OR51B5: variants seen among roughly 807,000 people sequenced by gnomAD.
The protein encoded by OR51B5 is olfactory receptor family 51 subfamily B member 5.
For synonymous variants in OR51B5, 186 were observed against 144.8 expected, an observed-to-expected ratio of 1.28 and a Z score of -2.04; for missense variants, 456 against 374.6, an observed-to-expected ratio of 1.22 and a Z score of -1.79.
In OR51B5 at chr11:5,478,811, A is replaced by G. The variant is rs1253902204; in HGVS notation, n.84+26758T>C. On this transcript the variant is annotated intron_variant and non_coding_transcript_variant, in intron 1 of 4. Coordinates refer to the OR51B5 transcript ENST00000415970. The stretch of plus-strand genomic sequence containing the variant: ...TGAAGCGTGAAGGGAAGTTTAGAGA[A>G]AAAAGAATAAAAAGAAATGAGCAAA... 8.6e-5 allele frequency among the ~76,000 whole-genome samples: 13 copies of G among 150,616 alleles called. No homozygotes were observed. The South Asian group carries it at 2.7e-3, about 32-fold the overall frequency.
At chr11:5,505,005 C>G (rs1380110767) in intron 1 of OR51B5, among the ~76,000 whole-genome samples, 2 of 152,246 alleles carry the variant, frequency 1.3e-5, no homozygotes, top group East Asian at 3.8e-4. Context: ...ACCCAATTCA[C>G]CTGGTGTCTT....
chr11:5,430,594 AG>A (rs1387576559), intron 1 of OR51B5: 2 of 401,368 alleles, frequency 5.0e-6, no homozygotes, highest in Non-Finnish European at 1.0e-5. Flanking sequence ...CTTTGCCCAT[AG>A]CAGAAACATT....
At chr11:5,349,400 T>G (rs1849040069) in intron 1 of OR51B5, among the ~76,000 whole-genome samples, 1 of 128,406 alleles carries the variant, frequency 7.8e-6, no homozygotes, top group Non-Finnish European at 1.8e-5. Context: ...GTATTCCTAC[T>G]CCTGTTTTTT....
At chr11:5,454,134 C>G (rs752763809) in intron 1 of OR51B5, 1 of 1,614,034 alleles carries the variant, frequency 6.2e-7, no homozygotes, top group Non-Finnish European at 8.5e-7. Flanking sequence ...TTTTATCTTC[C>G]TCTCCTATGT....
downstream of OR51B5, among the ~76,000 whole-genome samples, chr11:5,342,093 A>G (rs565214736): frequency 5.9e-5 from 9 of 152,168 alleles, no homozygotes; most frequent in Non-Finnish European, 1.0e-4. Flanking sequence ...TCTTTTTTGC[A>G]GGAAAATTCC....
At chr11:5,352,809 T>C (rs1332880146) in intron 1 of OR51B5, among the ~76,000 whole-genome samples, 1 of 145,358 alleles carries the variant, frequency 6.9e-6, no homozygotes, top group East Asian at 2.0e-4. Context: ...ATTATATATA[T>C]TTAATATATA....
intron 1 of OR51B5, among the ~76,000 whole-genome samples, chr11:5,479,147 A>T (rs1214832760): frequency 4.7e-5 from 7 of 149,066 alleles, no homozygotes; most frequent in Non-Finnish European, 4.5e-5. Context: ...AGCCCATCAG[A>T]CTAACAGCGG....
chr11:5,430,824 C>T (rs1394864349), intron 1 of OR51B5: 1 of 457,296 alleles, frequency 2.2e-6, no homozygotes, highest in Non-Finnish European at 4.4e-6. Context: ...GCATCACAGA[C>T]ACCCCAATCA....
intron 1 of OR51B5, among the ~76,000 whole-genome samples, chr11:5,379,921 CCT>C (rs2133716910): frequency 6.6e-6 from 1 of 151,806 alleles, no homozygotes; most frequent in East Asian, 1.9e-4. Context: ...CAGCATGAGA[CCT>C]TTATCAGATG....
chr11:5,352,156 A>G (rs1192290898), intron 1 of OR51B5: 2 of 1,614,042 alleles, frequency 1.2e-6, no homozygotes, highest in South Asian at 2.2e-5. Flanking sequence ...TTTCTCCTAC[A>G]TTTTGATTCT....
intron 1 of OR51B5, among the ~76,000 whole-genome samples, chr11:5,374,452 C>A (rs971358794): frequency 6.6e-6 from 1 of 152,172 alleles, no homozygotes; most frequent in Non-Finnish European, 1.5e-5. Context: ...AAAGCAGTTC[C>A]TCACCAGCAA....
At chr11:5,351,440 C>A (rs1849084047) in intron 1 of OR51B5, 5 of 1,278,138 alleles carry the variant, frequency 3.9e-6, no homozygotes. Context: ...TCTCAAGGAG[C>A]AACTTTTATA....
At chr11:5,369,999 TCAA>T (rs1344350635) in intron 1 of OR51B5, among the ~76,000 whole-genome samples, 1 of 152,020 alleles carries the variant, frequency 6.6e-6, no homozygotes, top group African/African-American at 2.4e-5. Context: ...TCAATCTGTA[TCAA>T]CAAGATCTTC....
At chr11:5,384,478 A>G (rs1480935351) in intron 1 of OR51B5, among the ~76,000 whole-genome samples, 1 of 152,198 alleles carries the variant, frequency 6.6e-6, no homozygotes, top group Admixed American at 6.5e-5. Flanking sequence ...CTTGCTGGAA[A>G]AGAGGCGAGC....
intron 1 of OR51B5, chr11:5,489,156 T>A (rs770824935): frequency 6.2e-7 from 1 of 1,613,896 alleles, no homozygotes; most frequent in Admixed American, 1.7e-5. Flanking sequence ...TTGGCTTTGT[T>A]GGGCTATTCC....
chr11:5,375,447 A>C (rs1358342626), intron 1 of OR51B5, among the ~76,000 whole-genome samples: 2 of 58,936 alleles, frequency 3.4e-5, no homozygotes, highest in Non-Finnish European at 8.2e-5. Flanking sequence ...ATAACCAGCT[A>C]TCATAATGAC....
At chr11:5,469,793 A>G (rs201223635) in intron 1 of OR51B5, among the ~76,000 whole-genome samples, 1 of 152,142 alleles carries the variant, frequency 6.6e-6, no homozygotes, top group Non-Finnish European at 1.5e-5. Context: ...AGTTTCTTCC[A>G]TAAGTGAGGT....
intron 1 of OR51B5, among the ~76,000 whole-genome samples, chr11:5,376,815 T>A (rs1415702435): frequency 6.6e-6 from 1 of 150,460 alleles, no homozygotes; most frequent in Admixed American, 6.6e-5. Context: ...GTGGCAATAA[T>A]CAATAGCTTA....
intron 1 of OR51B5, among the ~76,000 whole-genome samples, chr11:5,379,846 C>T (rs892093579): frequency 6.6e-6 from 1 of 152,058 alleles, no homozygotes; most frequent in African/African-American, 2.4e-5. Context: ...CCCTGGCGTC[C>T]TCTCTCATCA....
Sources: gnomAD v4.1 joint callset for allele counts (sites outside exome capture counted in the v4.1 genomes callset) on GRCh38, gnomAD v4.1.1 for gene constraint, MANE v1.5 for transcripts, NCBI Gene and HGNC (gene_info 2026-07-23, HGNC 2026-07-21) for gene names.